IGDCC4: variants seen among roughly 807,000 people sequenced by gnomAD.
IGDCC4 encodes likely ortholog of mouse neighbor of Punc E11.
IGDCC4 carries 72 observed loss-of-function variants against 116.6 expected under a neutral mutation model. The observed-to-expected ratio is 0.62, with a 90% CI of 0.51 to 0.75. IGDCC4 has a LOEUF of 0.75. IGDCC4 is among the 30% of genes least tolerant of loss of function. IGDCC4 has a pLI of 0.00. For synonymous variants in IGDCC4, 709 were observed against 719.9 expected (o/e 0.98, Z 0.24); for missense variants, 1,501 against 1,662.4 (o/e 0.90, Z 1.69).
chr15:65,389,561 A>T (rs890076723), intron 13 of IGDCC4, 150 bp from the exon 14 acceptor site: 10 of 974,860 alleles, frequency 1.0e-5, no homozygotes, highest in Non-Finnish European at 1.5e-5. Flanking sequence ...GACTACCACC[A>T]CCCAGGGACC....
chr15:65,417,603 T>C (rs1332039108), intron 1 of IGDCC4, among the ~76,000 whole-genome samples: 1 of 152,134 alleles, frequency 6.6e-6, no homozygotes, highest in East Asian at 1.9e-4. Context: ...TCCAGATTTT[T>C]TTTGCGGGGG....
At chr15:65,385,684 C>A in intron 18 of IGDCC4, 147 bp downstream of exon 18, 2 of 741,106 alleles carry the variant, frequency 2.7e-6, no homozygotes, top group South Asian at 1.5e-5. Flanking sequence ...GACAGCCAAC[C>A]ATTCCGTGGA....
intron 1 of IGDCC4, among the ~76,000 whole-genome samples, chr15:65,419,506 A>G (rs964997554): frequency 1.3e-5 from 2 of 152,246 alleles, no homozygotes; most frequent in African/African-American, 4.8e-5. Flanking sequence ...AAGCACATAG[A>G]GGATCAATGA....
At chr15:65,422,683 C>T (rs1439371993) in intron 1 of IGDCC4, 110 bp downstream of exon 1, 1 of 883,722 alleles carries the variant, frequency 1.1e-6, no homozygotes. Context: ...GCAGCCCCCG[C>T]ACTTGCTCGG....
chr15:65,415,204 C>A (rs2063131488), intron 1 of IGDCC4, among the ~76,000 whole-genome samples: 1 of 152,192 alleles, frequency 6.6e-6, no homozygotes, highest in Non-Finnish European at 1.5e-5. Flanking sequence ...GGGGAGAAAA[C>A]CCCCAAAGGA....
At position 65,410,371 on chromosome 15, in the gene IGDCC4, C is replaced by A. The variant is rs113594177; in HGVS notation, c.422-52G>T. 9.8e-3 allele frequency: 15,657 copies of A among 1,605,080 alleles called. 204 individuals are homozygous for A. Among genetic ancestry groups the A allele is most frequent in the South Asian group, 0.042 (3,858 of 90,794 alleles). On this transcript the variant is annotated intron_variant, in intron 2 of 19. Transcript: ENST00000352385. ...ACGGGAAAAGAATAGGAGAGAGAAG[C>A]CACAGCAAGCACAAACAGTGAAACA...
rs1036737088 is a variant in IGDCC4, at chr15:65,393,308, G to T, written c.1885+53C>A. 3 of 1,511,932 alleles carry T rather than the reference G, an allele frequency of 2.0e-6. No homozygotes were observed. The African/African-American group carries it at 4.2e-5, about 21-fold the overall frequency. 93.7% of individuals were successfully genotyped at this position (1,511,932 alleles called of 1,614,324 possible). A position where few individuals can be genotyped will look rare whatever the true frequency, so the allele number is the denominator to read the frequency against. On this transcript the variant is annotated intron_variant, in intron 10 of 19. Transcript: ENST00000352385. The surrounding 1 kb of genome is among the most constrained non-coding windows in gnomAD (Gnocchi z 4.6). Reference sequence around the variant, plus strand: ...GGGGCGCTGGGTCCCAAGGACACACGCACACCCACACAGTCACACACACAC... The same window carrying T: ...GGGGCGCTGGGTCCCAAGGACACACTCACACCCACACAGTCACACACACAC...
intron 14 of IGDCC4, 48 bp from the exon 15 acceptor site, chr15:65,389,026 A>C: frequency 7.7e-7 from 1 of 1,291,168 alleles, no homozygotes; most frequent in East Asian, 2.5e-5. Flanking sequence ...GCTGGGGGAC[A>C]GAGCATGATG....
intron 1 of IGDCC4, among the ~76,000 whole-genome samples, chr15:65,414,976 G>A (rs1045116519): frequency 1.3e-5 from 2 of 152,230 alleles, no homozygotes; most frequent in Admixed American, 6.5e-5. Context: ...ACAGGCATGA[G>A]CTACCATGCC....
chr15:65,406,977 T>C (rs978208951), intron 3 of IGDCC4, among the ~76,000 whole-genome samples: 1 of 152,298 alleles, frequency 6.6e-6, no homozygotes. Context: ...AAATCCACCA[T>C]TAATTTTTTA....
intron 1 of IGDCC4, among the ~76,000 whole-genome samples, chr15:65,421,045 G>A (rs568352077): frequency 1.2e-4 from 18 of 152,306 alleles, no homozygotes; most frequent in African/African-American, 4.3e-4. Flanking sequence ...GATCAGGGTG[G>A]CTAGTCATGA....
At chr15:65,413,024 A>ATGTGTGTGTGTGTGTG (rs59690408) in intron 1 of IGDCC4, among the ~76,000 whole-genome samples, 97 of 146,058 alleles carry the variant, frequency 6.6e-4, no homozygotes, top group African/African-American at 2.3e-3. Context: ...GTGTGAGAAA[A>ATGTGTGTGTGTGTGTG]TGTGTGTGTG....
chr15:65,418,821 G>A (rs865971867), intron 1 of IGDCC4, among the ~76,000 whole-genome samples: 2 of 151,848 alleles, frequency 1.3e-5, no homozygotes, highest in Non-Finnish European at 2.9e-5. Context: ...ATAGAAAGAG[G>A]TGGGGGGGGT....
rs1444731859 is a variant in IGDCC4, at chr15:65,385,931, T to A, written c.3080A>T (p.Gln1027Leu). 1.3e-6 allele frequency: 2 copies of A among 1,575,094 alleles called. No homozygotes were observed. Among genetic ancestry groups the A allele is most frequent in the Non-Finnish European group, 1.7e-6 (2 of 1,162,984 alleles). The change falls in exon 18 of 20, where the codon CAG becomes CTG. Residue 1027 changes from glutamine to leucine, a missense_variant. Gln to Leu is a moderately radical substitution (Grantham distance 113). Around this residue, in one of 3 missense-constraint regions of IGDCC4, gnomAD observed 368 missense variants for 355.6 expected, o/e 1.03. Coordinates refer to ENST00000352385, the MANE Select transcript of IGDCC4 (RefSeq NM_020962.3). ...GTCTGAGGGTGGCGGGGACCAGTCC[T>A]GGGGATGGGGGTGCACAAGGGACTC... ...ELESLVHPHPQDWSPPPSDVE... is the reference protein window; with the variant it reads ...ELESLVHPHPLDWSPPPSDVE...
chr15:65,422,879 C>A lies in IGDCC4; in HGVS notation c.-17G>T. ...CCGCGCCATGGGGCTGGGCTCGGGC[C>A]GCCGCCGCCGCCGCCGCCTCCCCGT... On this transcript the variant is annotated 5_prime_UTR_variant, in exon 1 of 20. Coordinates refer to ENST00000352385, the MANE Select transcript of IGDCC4 (RefSeq NM_020962.3). 9.7e-7 allele frequency: 1 copy of A among 1,029,968 alleles called. No individual in the cohort carries two copies. The allele number at this position is 1,029,968 out of a possible 1,614,324, so 63.8% of individuals were successfully genotyped here.
intron 3 of IGDCC4, among the ~76,000 whole-genome samples, chr15:65,405,173 C>T (rs530155344): frequency 1.1e-4 from 16 of 150,238 alleles, no homozygotes; most frequent in African/African-American, 3.9e-4. Context: ...AGAAATTCTA[C>T]TTTTAGAAAA....
At chr15:65,409,547 C>G (rs1390824441) in intron 3 of IGDCC4, among the ~76,000 whole-genome samples, 3 of 152,202 alleles carry the variant, frequency 2.0e-5, no homozygotes, top group Non-Finnish European at 1.5e-5. Context: ...ACATCTGGAC[C>G]TACCCAGGAA....
chr15:65,419,270 A>G (rs1435799895), intron 1 of IGDCC4, among the ~76,000 whole-genome samples: 2 of 142,670 alleles, frequency 1.4e-5, no homozygotes, highest in Admixed American at 7.1e-5. Flanking sequence ...AGGTCTCAAT[A>G]TGTTGCCCAG....
intron 3 of IGDCC4, among the ~76,000 whole-genome samples, chr15:65,406,396 T>C (rs550575421): frequency 6.6e-6 from 1 of 152,338 alleles, no homozygotes; most frequent in African/African-American, 2.4e-5. Context: ...GAAACATTGC[T>C]CTCATTGATT....
Sources: allele counts gnomAD v4.1 joint callset (sites outside exome capture counted in the v4.1 genomes callset), GRCh38; gene constraint gnomAD v4.1.1; regional missense constraint gnomAD v4.1.1; non-coding constraint Gnocchi (gnomAD v3.1); transcripts MANE v1.5; gene names NCBI Gene and HGNC (gene_info 2026-07-23, HGNC 2026-07-21).